EPHA3: variants seen among roughly 807,000 people sequenced by gnomAD.
EPHA3 encodes the protein EPH receptor A3.
In EPHA3, 42 loss-of-function variants were observed where a neutral mutation model predicts 107.1. The ratio of observed to expected loss-of-function variants is 0.39; its 90% confidence interval spans 0.31 to 0.51. The LOEUF (loss-of-function observed/expected upper bound fraction) is 0.51, where lower values mean the gene tolerates loss of function less well. Ranked by LOEUF, EPHA3 falls within the 20% of genes least tolerant of loss-of-function variation. The pLI, the probability that EPHA3 is intolerant of heterozygous loss-of-function variation, is 0.78. For missense variants in EPHA3, 1,183 were observed against 1,211.2 expected, an observed-to-expected ratio of 0.98 and a Z score of 0.35; for synonymous variants, 461 against 424.8, an observed-to-expected ratio of 1.09 and a Z score of -1.05.
chr3:89,190,535 C>A (rs1321227350), intron 2 of EPHA3, among the ~76,000 whole-genome samples: 1 of 152,070 alleles, frequency 6.6e-6, no homozygotes, highest in African/African-American at 2.4e-5. Flanking sequence ...GTGGTTTAAA[C>A]AAAAGAAGTA....
At chr3:89,441,014 A>G (rs1317553572) in intron 13 of EPHA3, among the ~76,000 whole-genome samples, 1 of 152,242 alleles carries the variant, frequency 6.6e-6, no homozygotes, top group East Asian at 1.9e-4. Flanking sequence ...AAGCTGTTAG[A>G]TAAAACTGAA....
chr3:89,190,274 C>G (rs868629673), intron 2 of EPHA3, among the ~76,000 whole-genome samples: 7 of 152,148 alleles, frequency 4.6e-5, no homozygotes, highest in Admixed American at 3.9e-4. Flanking sequence ...TTTCCTAACT[C>G]TCTTCAAACA....
chr3:89,154,672 G>C (rs1704760468), intron 2 of EPHA3, among the ~76,000 whole-genome samples: 1 of 151,258 alleles, frequency 6.6e-6, no homozygotes. Context: ...CTATCATTTT[G>C]TAATTGGTAG....
intron 2 of EPHA3, among the ~76,000 whole-genome samples, chr3:89,189,130 C>T (rs550421025): frequency 6.6e-6 from 1 of 152,278 alleles, no homozygotes; most frequent in Non-Finnish European, 1.5e-5. Flanking sequence ...AAATTTTAGT[C>T]TTTCTCAGGA....
intron 15 of EPHA3, among the ~76,000 whole-genome samples, chr3:89,450,657 G>A (rs746917825): frequency 5.1e-4 from 77 of 152,142 alleles, no homozygotes; most frequent in Non-Finnish European, 7.5e-4. Context: ...GCGGTGGCTC[G>A]TGCCTGTAAT....
intron 2 of EPHA3, among the ~76,000 whole-genome samples, chr3:89,189,527 A>T (rs764148380): frequency 3.0e-4 from 45 of 152,162 alleles, no homozygotes; most frequent in Middle Eastern, 3.2e-3. Flanking sequence ...CAGGAGGCGG[A>T]GGTTGCAGTG....
At chr3:89,347,676 C>T (rs1009968685) in intron 5 of EPHA3, among the ~76,000 whole-genome samples, 1 of 150,714 alleles carries the variant, frequency 6.6e-6, no homozygotes, top group Non-Finnish European at 1.5e-5. Context: ...TGAGAGAGGG[C>T]ATCCCTGTCT....
intron 15 of EPHA3, among the ~76,000 whole-genome samples, chr3:89,468,065 G>A (rs1407316365): frequency 2.6e-5 from 4 of 152,110 alleles, no homozygotes; most frequent in Non-Finnish European, 4.4e-5. Flanking sequence ...CCCTTGGTGC[G>A]CATGAAGAGA....
chr3:89,148,921 T>C lies in EPHA3; in HGVS notation c.153+21648T>C, dbSNP rs116038488. On this transcript the variant is annotated intron_variant, in intron 2 of 16. Coordinates refer to ENST00000336596, the MANE Select transcript of EPHA3 (RefSeq NM_005233.6). ...AAACATATAACATATTATTATTTCA[T>C]TGGAGTCATATATATAATAAACTAA... 2.4e-3 allele frequency among the ~76,000 whole-genome samples: 363 copies of C among 152,156 alleles called. 1 individual carries two copies. Among genetic ancestry groups the C allele is most frequent in the African/African-American group, 7.8e-3 (326 of 41,548 alleles).
chr3:89,151,341 A>C (rs1368784735), intron 2 of EPHA3, among the ~76,000 whole-genome samples: 1 of 152,102 alleles, frequency 6.6e-6, no homozygotes, highest in Non-Finnish European at 1.5e-5. Context: ...AAAGGAGTAC[A>C]TTTCCCAGCT....
At chr3:89,477,655 TCTTTTTTC>T (rs1172871419) in intron 16 of EPHA3, among the ~76,000 whole-genome samples, 1 of 152,056 alleles carries the variant, frequency 6.6e-6, no homozygotes, top group Non-Finnish European at 1.5e-5. Context: ...TCACACGTGT[TCTTTTTTC>T]CTTGCCATTC....
intron 5 of EPHA3, among the ~76,000 whole-genome samples, chr3:89,374,369 A>G (rs980074483): frequency 6.6e-6 from 1 of 151,912 alleles, no homozygotes; most frequent in Non-Finnish European, 1.5e-5. Flanking sequence ...AAAACAGTGG[A>G]AGTCAACAAA....
At chr3:89,232,435 G>T (rs1019512554) in intron 3 of EPHA3, among the ~76,000 whole-genome samples, 2 of 152,062 alleles carry the variant, frequency 1.3e-5, no homozygotes, top group Non-Finnish European at 2.9e-5. Flanking sequence ...CTGGTGAAAG[G>T]CCTTGACAAA....
intron 3 of EPHA3, among the ~76,000 whole-genome samples, chr3:89,264,953 T>C (rs1293455232): frequency 6.6e-6 from 1 of 152,162 alleles, no homozygotes; most frequent in East Asian, 1.9e-4. Flanking sequence ...TAGGTGAATA[T>C]ATTTATAGGG....
At chr3:89,477,963 AAAG>A (rs1435296730) in intron 16 of EPHA3, among the ~76,000 whole-genome samples, 1 of 152,186 alleles carries the variant, frequency 6.6e-6, no homozygotes, top group Non-Finnish European at 1.5e-5. Flanking sequence ...TGAAACAAGA[AAAG>A]AAAACAGAAA....
At chr3:89,457,541 T>C (rs772216957) in intron 15 of EPHA3, among the ~76,000 whole-genome samples, 10 of 152,096 alleles carry the variant, frequency 6.6e-5, no homozygotes, top group Non-Finnish European at 1.5e-4. Flanking sequence ...ACTGAAACCA[T>C]CCCCCACCAC....
chr3:89,149,076 A>G (rs1272678148), intron 2 of EPHA3, among the ~76,000 whole-genome samples: 1 of 151,970 alleles, frequency 6.6e-6, no homozygotes, highest in Non-Finnish European at 1.5e-5. Flanking sequence ...GAAAAATGGG[A>G]GCATGGTTTT....
At chr3:89,154,525 C>A (rs909815773) in intron 2 of EPHA3, among the ~76,000 whole-genome samples, 2 of 151,470 alleles carry the variant, frequency 1.3e-5, no homozygotes, top group Admixed American at 1.3e-4. Flanking sequence ...GATTTTGGAC[C>A]TAGCTTTTAA....
chr3:89,406,673 C>G (rs1014296366), intron 7 of EPHA3, among the ~76,000 whole-genome samples: 4 of 152,110 alleles, frequency 2.6e-5, no homozygotes, highest in Non-Finnish European at 4.4e-5. Context: ...ATTCTAAGCT[C>G]GTGAGCTGTA....
Sources: gnomAD v4.1 joint callset for allele counts (sites outside exome capture counted in the v4.1 genomes callset) on GRCh38, gnomAD v4.1.1 for gene constraint, MANE v1.5 for transcripts, NCBI Gene and HGNC (gene_info 2026-07-23, HGNC 2026-07-21) for gene names.